Variants in TMEM184C observed in about 807,000 individuals in gnomAD.
The protein encoded by TMEM184C is transmembrane protein 34.
Under a neutral mutation model 54.5 loss-of-function variants are expected in TMEM184C, and 25 were observed. The observed-to-expected ratio is 0.46, with a 90% CI of 0.33 to 0.64. TMEM184C has a LOEUF of 0.64. Among genes scored for constraint, TMEM184C ranks in the 30% least tolerant of loss-of-function variants. TMEM184C has a pLI of 0.02. For synonymous variants in TMEM184C, 148 were observed against 181.5 expected, an observed-to-expected ratio of 0.82 and a Z score of 1.49; for missense variants, 335 against 520.3, an observed-to-expected ratio of 0.64 and a Z score of 3.46.
chr4:147,618,115 C>T, intron 1 of TMEM184C, 36 bp downstream of exon 1: 1 of 1,612,442 alleles, frequency 6.2e-7, no homozygotes, highest in Non-Finnish European at 8.5e-7. Flanking sequence ...TGTACACTTT[C>T]TTCTACCCAT....
rs748391858 is a variant in TMEM184C at position 147,628,445 on chromosome 4, C to T, written c.572+10C>T. ...CCACCATCGTTGCTTTGTAAGTACT[C>T]GGATTTTATATGAACTTTTTTTTTC... is the stretch of plus-strand genomic sequence containing the variant. On this transcript the variant is annotated intron_variant, in intron 5 of 9. Transcript: ENST00000296582. 25 of 1,610,944 alleles carry T rather than the reference C, an allele frequency of 1.6e-5. No individual in the cohort carries two copies. Among genetic ancestry groups the T allele is most frequent in the South Asian group, 1.5e-4 (14 of 90,528 alleles).
At chr4:147,626,248 C>G (rs1415852997) in intron 4 of TMEM184C, among the ~76,000 whole-genome samples, 1 of 152,124 alleles carries the variant, frequency 6.6e-6, no homozygotes, top group Non-Finnish European at 1.5e-5. Flanking sequence ...AGTCCCCAGG[C>G]AAGGAGGTTT....
At chr4:147,619,386 C>T (rs4835440) in intron 1 of TMEM184C, among the ~76,000 whole-genome samples, 131,083 of 151,900 alleles carry the variant, frequency 0.86, 58,743 homozygotes, top group Non-Finnish European at 0.98. Context: ...TTAGTACAGA[C>T]GGGGTTTCAC....
At chr4:147,632,382 G>T (rs1732933720) in intron 7 of TMEM184C, among the ~76,000 whole-genome samples, 1 of 151,912 alleles carries the variant, frequency 6.6e-6, no homozygotes, top group Non-Finnish European at 1.5e-5. Flanking sequence ...AAAATTTTTG[G>T]AATTCGACAA....
chr4:147,636,381 T>G lies in TMEM184C; in HGVS notation c.*1947T>G, dbSNP rs941316808. On this transcript the variant is annotated 3_prime_UTR_variant, in exon 10 of 10. Transcript: ENST00000296582. ...AGAAGACACATCGGGGAAAGAACAG[T>G]CTTCATTAAGTGTTCTTAATGAAGA... 6.6e-6 allele frequency: 1 copy of G among 151,848 alleles called. No individual in the cohort carries two copies. The highest frequency in any genetic ancestry group is 1.5e-5 in the Non-Finnish European group (1 of 67,908). 9.4% of individuals were successfully genotyped at this position (151,848 alleles called of 1,614,324 possible).
Position 147,624,826 on chromosome 4 carries a change from GA to G in TMEM184C, c.316del (p.Ile106LeufsTer16). 6.2e-7 allele frequency: 1 copy of G among 1,613,634 alleles called. No homozygotes were observed. The highest frequency in any genetic ancestry group is 8.5e-7 in the Non-Finnish European group (1 of 1,179,724). On this transcript the variant is annotated frameshift_variant, in exon 4 of 10. Coordinates refer to ENST00000296582, the MANE Select transcript of TMEM184C (RefSeq NM_018241.3). LOFTEE classifies it high-confidence loss of function. ...LDSWIALKYP[G>X]IAIYVDTCRE... The stretch of plus-strand genomic sequence containing the variant: ...TAGTGGATAGCTTTGAAATATCCCG[GA>G]ATTGCAATATATGTGGATACCTGCA...
intron 7 of TMEM184C, among the ~76,000 whole-genome samples, chr4:147,631,927 C>T (rs1047673844): frequency 1.3e-5 from 2 of 152,030 alleles, no homozygotes; most frequent in African/African-American, 4.8e-5. Flanking sequence ...CGCCTGTAAT[C>T]CCAGCACTTT....
chr4:147,631,505 G>A lies in TMEM184C; in HGVS notation c.779G>A (p.Trp260Ter). 6.2e-7 allele frequency: 1 copy of A among 1,601,212 alleles called. No individual in the cohort carries two copies. The highest frequency in any genetic ancestry group is 1.1e-5 in the South Asian group (1 of 87,672). The change falls in exon 7 of 10, where the codon TGG (tryptophan) becomes TAG (stop). Residue 260 changes from tryptophan to a stop codon, truncating the protein, a stop_gained and splice_region_variant. Transcript: ENST00000296582. LOFTEE classifies it high-confidence loss of function. ...AAGCTGGTGGTTTTTGTTTCTTTTT[G>A]GTAAGTGTTACTTTTTTTTAAATGT... ...CVKLVVFVSF[W>*]QAVVIALLVK...
Position 147,634,692 on chromosome 4 carries a change from C to T in TMEM184C, c.*258C>T. The stretch of plus-strand genomic sequence containing the variant: ...TGGTAGACAATGACCCCAACTAAAT[C>T]TTCCTGATGTTACACTGCTTTATCA... On this transcript the variant is annotated 3_prime_UTR_variant, in exon 10 of 10. Coordinates refer to ENST00000296582, the MANE Select transcript of TMEM184C (RefSeq NM_018241.3). The T allele has an allele frequency of 2.6e-6, 1 of 390,824 alleles. No homozygotes were observed. Among genetic ancestry groups the T allele is most frequent in the Non-Finnish European group, 4.6e-6 (1 of 218,856 alleles). The allele number at this position is 390,824 out of a possible 1,614,324, so 24.2% of individuals were successfully genotyped here. A position where few individuals can be genotyped will look rare whatever the true frequency, so the allele number is the denominator to read the frequency against.
intron 1 of TMEM184C, among the ~76,000 whole-genome samples, chr4:147,621,471 C>A (rs1732708015): frequency 6.6e-6 from 1 of 152,154 alleles, no homozygotes. Context: ...CTGGTATCTA[C>A]ATCAATGTGT....
At chr4:147,631,534 C>A in intron 7 of TMEM184C, 29 bp downstream of exon 7, 1 of 1,558,862 alleles carries the variant, frequency 6.4e-7, no homozygotes, top group South Asian at 1.2e-5. Flanking sequence ...TAAATGTTCT[C>A]ATTTTTTTAA....
rs1342382074 is a variant in TMEM184C, at chr4:147,633,793, T to G, written c.908T>G (p.Leu303Arg). 6.2e-7 allele frequency: 1 copy of G among 1,608,658 alleles called. No individual in the cohort carries two copies. The highest frequency in any genetic ancestry group is 1.1e-5 in the South Asian group (1 of 90,188). ...QDFIICIEMF[L>R]AAIAHHYTFS... is the part of the protein sequence containing the mutation. ...TTTATTATCTGTATTGAGATGTTCCTCGCTGCCATTGCTCATCATTACACA... is the reference window on the plus strand; with the variant it reads ...TTTATTATCTGTATTGAGATGTTCCGCGCTGCCATTGCTCATCATTACACA... The change falls in exon 9 of 10, where the codon CTC (leucine) becomes CGC (arginine). Residue 303 changes from leucine to arginine, a missense_variant. Coordinates refer to ENST00000296582, the MANE Select transcript of TMEM184C (RefSeq NM_018241.3).
chr4:147,633,970 T>G, intron 9 of TMEM184C, 34 bp downstream of exon 9: 1 of 1,585,160 alleles, frequency 6.3e-7, no homozygotes, highest in Non-Finnish European at 8.6e-7. Context: ...ACCAAATAGG[T>G]TGGGTAGGAT....
In TMEM184C at chr4:147,631,192, A is replaced by G. The variant is rs192857794; in HGVS notation, c.667-201A>G. 2.3e-3 allele frequency among the ~76,000 whole-genome samples: 347 copies of G among 152,252 alleles called. 1 individual carries two copies. The highest frequency in any genetic ancestry group is 8.1e-3 in the African/African-American group (338 of 41,570). ...GAACCCAGGAAGTGAACACTTAAAA[A>G]CATTTTTACGGAAGATGTTGTATGT... On this transcript the variant is annotated intron_variant, in intron 6 of 9. Transcript: ENST00000296582.
At chr4:147,627,522 G>A (rs548030463) in intron 4 of TMEM184C, among the ~76,000 whole-genome samples, 12 of 152,086 alleles carry the variant, frequency 7.9e-5, no homozygotes, top group Admixed American at 5.9e-4. Context: ...CACCTGCCTC[G>A]GCCTCCCACA....
intron 6 of TMEM184C, among the ~76,000 whole-genome samples, chr4:147,630,849 G>C (rs892291853): frequency 6.6e-6 from 1 of 151,990 alleles, no homozygotes; most frequent in African/African-American, 2.4e-5. Flanking sequence ...ACTACACTAG[G>C]TTATTACAGA....
intron 5 of TMEM184C, 21 bp from the exon 6 acceptor site, chr4:147,629,578 T>C: frequency 6.4e-7 from 1 of 1,552,576 alleles, no homozygotes; most frequent in Non-Finnish European, 8.8e-7. Context: ...ATCAGAGATA[T>C]CTCATTTTTA....
At position 147,636,173 on chromosome 4, in the gene TMEM184C, A is replaced by G. The variant is rs1005510884; in HGVS notation, c.*1739A>G. On this transcript the variant is annotated 3_prime_UTR_variant, in exon 10 of 10. Transcript: ENST00000296582. ...ATAAAAGACCCTGAATAGGCAAAAG[A>G]ATACTGAGGAAAAAATGTTGGAGAC... 9 of 152,160 alleles carry G rather than the reference A, an allele frequency of 5.9e-5. No individual in the cohort carries two copies. Among genetic ancestry groups the G allele is most frequent in the African/African-American group, 1.9e-4 (8 of 41,452 alleles). 9.4% of individuals were successfully genotyped at this position (152,160 alleles called of 1,614,324 possible).
rs1048068507 is a variant in TMEM184C, at chr4:147,617,507, G to T, written c.-450G>T. On this transcript the variant is annotated 5_prime_UTR_variant, in exon 1 of 10. It adds an upstream start codon to the 5' untranslated region. Coordinates refer to ENST00000296582, the MANE Select transcript of TMEM184C (RefSeq NM_018241.3). ...TGAAGAGACGCCTGCCAGTGCGGGA[G>T]GTAGGAAGCTCGATCCCCAAAGAAA... 3.0e-5 allele frequency: 5 copies of T among 168,062 alleles called. No individual in the cohort carries two copies. The highest frequency in any genetic ancestry group is 6.6e-5 in the Non-Finnish European group (5 of 75,278). The allele number at this position is 168,062 out of a possible 1,614,324, so 10.4% of individuals were successfully genotyped here. A position where few individuals can be genotyped will look rare whatever the true frequency, so the allele number is the denominator to read the frequency against.
Sources: gnomAD v4.1 joint callset for allele counts (sites outside exome capture counted in the v4.1 genomes callset) on GRCh38, gnomAD v4.1.1 for gene constraint, MANE v1.5 for transcripts, NCBI Gene and HGNC (gene_info 2026-07-23, HGNC 2026-07-21) for gene names.